DNAI3: variants seen among roughly 807,000 people sequenced by gnomAD.
The protein encoded by DNAI3 is WD repeat domain 63.
DNAI3 carries 83 observed loss-of-function variants against 115.5 expected under a neutral mutation model. The ratio of observed to expected loss-of-function variants is 0.72; its 90% confidence interval spans 0.60 to 0.86. The LOEUF (loss-of-function observed/expected upper bound fraction) is 0.86. Among genes scored for constraint, DNAI3 ranks in the 40% least tolerant of loss-of-function variants. The pLI, the probability that DNAI3 is intolerant of heterozygous loss-of-function variation, is 0.00. For synonymous variants in DNAI3, 320 were observed against 347.0 expected (o/e 0.92, Z 0.86); for missense variants, 1,004 against 1,075.8 (o/e 0.93, Z 0.93).
intron 14 of DNAI3, among the ~76,000 whole-genome samples, chr1:85,106,042 AG>A (rs1655481972): frequency 6.6e-6 from 1 of 152,176 alleles, no homozygotes; most frequent in Non-Finnish European, 1.5e-5. Flanking sequence ...CAGGAGACTG[AG>A]GCAGGAGAAT....
intron 13 of DNAI3, among the ~76,000 whole-genome samples, chr1:85,104,192 C>T (rs1484291161): frequency 1.3e-5 from 2 of 149,612 alleles, no homozygotes; most frequent in Non-Finnish European, 3.0e-5. Flanking sequence ...ACCATCTCGG[C>T]TCACTGCATG....
intron 13 of DNAI3, among the ~76,000 whole-genome samples, chr1:85,101,628 T>C (rs938013452): frequency 7.0e-4 from 99 of 140,782 alleles, no homozygotes; most frequent in African/African-American, 2.4e-3. Flanking sequence ...CTCCAGAGGC[T>C]GAGGCGGGAG....
At chr1:85,099,288 A>G (rs1038392590) in intron 13 of DNAI3, 1 of 984,482 alleles carries the variant, frequency 1.0e-6, no homozygotes. Context: ...TAACAGGTGA[A>G]ATATCAAGAA....
chr1:85,113,321 GT>G (rs981028624), intron 16 of DNAI3, among the ~76,000 whole-genome samples: 1 of 152,034 alleles, frequency 6.6e-6, no homozygotes, highest in Non-Finnish European at 1.5e-5. Context: ...AGTTGCCAAT[GT>G]TTTTTCCTAA....
At chr1:85,073,179 A>T in intron 3 of DNAI3, 87 bp downstream of exon 3, 1 of 965,562 alleles carries the variant, frequency 1.0e-6, no homozygotes, top group Non-Finnish European at 1.5e-6. Flanking sequence ...CTACAAACTG[A>T]AGTGATCAAT....
At position 85,090,120 on chromosome 1, in the gene DNAI3, T is replaced by C. The variant is rs1391601038; in HGVS notation, c.745T>C (p.Tyr249His). ...KDISTQTKWT[Y>H]PKNATTQYYP... ...AATTTTCTTTTAATATATTAGGACA[T>C]ATCCTAAAAATGCTACTACGCAATA... Residue 249 changes from tyrosine (Y) to histidine (H), a missense_variant, in exon 8 of 23, where the codon TAT becomes CAT. By Grantham distance (83) the Tyr-to-His change is moderately conservative. Around this residue, in one of 3 missense-constraint regions of DNAI3, gnomAD observed 550 missense variants for 568.1 expected, o/e 0.97. Transcript: ENST00000294664. The C allele has an allele frequency of 6.5e-7, 1 of 1,537,540 alleles. No homozygotes were observed. Among genetic ancestry groups the C allele is most frequent in the Admixed American group, 2.0e-5 (1 of 49,654 alleles).
At chr1:85,123,697 G>T (rs927820607) in intron 18 of DNAI3, among the ~76,000 whole-genome samples, 5 of 151,946 alleles carry the variant, frequency 3.3e-5, no homozygotes, top group African/African-American at 1.2e-4. Flanking sequence ...TTTTTACATT[G>T]TATACTTTGG....
intron 17 of DNAI3, 58 bp from the exon 18 acceptor site, chr1:85,121,683 ACATGAGTGTG>A (rs1262258484): frequency 5.7e-6 from 8 of 1,412,088 alleles, no homozygotes; most frequent in Non-Finnish European, 5.9e-6. Context: ...CAATCTTAGC[ACATGAGTGTG>A]AAGTCTTTTG....
At chr1:85,126,003 A>G (rs990110310) in intron 19 of DNAI3, among the ~76,000 whole-genome samples, 1 of 152,210 alleles carries the variant, frequency 6.6e-6, no homozygotes, top group Non-Finnish European at 1.5e-5. Flanking sequence ...TTCCAGCTGA[A>G]GTCACTTTAT....
intron 20 of DNAI3, among the ~76,000 whole-genome samples, chr1:85,127,600 C>T (rs1656187165): frequency 6.6e-6 from 1 of 152,134 alleles, no homozygotes; most frequent in Non-Finnish European, 1.5e-5. Flanking sequence ...AATTCTCTTT[C>T]TATCCATTTC....
chr1:85,108,250 T>C (rs1217093945), intron 15 of DNAI3, 73 bp downstream of exon 15: 1 of 1,403,406 alleles, frequency 7.1e-7, no homozygotes, highest in Non-Finnish European at 9.4e-7. Context: ...TAGACATACA[T>C]ATACACACAC....
intron 22 of DNAI3, among the ~76,000 whole-genome samples, chr1:85,131,782 C>G (rs184824504): frequency 1.6e-4 from 24 of 152,300 alleles, no homozygotes; most frequent in Admixed American, 3.3e-4. Flanking sequence ...AATACCATAG[C>G]AACAGCTCCT....
chr1:85,075,747 G>A (rs1426501144), intron 3 of DNAI3, among the ~76,000 whole-genome samples: 2 of 152,198 alleles, frequency 1.3e-5, no homozygotes, highest in African/African-American at 4.8e-5. Flanking sequence ...GCTAATATTT[G>A]TGGAGCAATG....
chr1:85,090,331 G>C (rs1434285979), intron 8 of DNAI3, 99 bp downstream of exon 8: 2 of 568,788 alleles, frequency 3.5e-6, no homozygotes, highest in African/African-American at 3.9e-5. Flanking sequence ...AGGGTATCTA[G>C]ATAAAAAGTA....
Position 85,089,042 on chromosome 1 carries a change from A to G in DNAI3, c.741-1074A>G, listed in dbSNP as rs186790831. Among the ~76,000 whole-genome samples, 8 of 152,296 alleles carry G rather than the reference A, an allele frequency of 5.3e-5. No individual in the cohort carries two copies. In the East Asian group the frequency reaches 1.5e-3, roughly 29 times the overall value. On this transcript the variant is annotated intron_variant, in intron 7 of 22. Coordinates refer to ENST00000294664, the MANE Select transcript of DNAI3 (RefSeq NM_145172.5). ...TTTGTCTGATTACTCTCCATTTAATATATTACCTCTCACAGAGACATTCTG... is the reference window on the plus strand; with the variant it reads ...TTTGTCTGATTACTCTCCATTTAATGTATTACCTCTCACAGAGACATTCTG...
chr1:85,075,232 G>A (rs1654412644), intron 3 of DNAI3, among the ~76,000 whole-genome samples: 1 of 151,946 alleles, frequency 6.6e-6, no homozygotes, highest in Admixed American at 6.6e-5. Context: ...TTTATTATCT[G>A]TCTCTCTGTC....
intron 1 of DNAI3, among the ~76,000 whole-genome samples, chr1:85,070,884 T>A (rs961525037): frequency 5.9e-5 from 9 of 152,100 alleles, no homozygotes; most frequent in African/African-American, 2.2e-4. Context: ...AAAAAATTCA[T>A]ATGAGAAAAT....
At chr1:85,097,697 G>C in intron 12 of DNAI3, 42 bp downstream of exon 12, 2 of 1,549,850 alleles carry the variant, frequency 1.3e-6, no homozygotes, top group Middle Eastern at 3.4e-4. Context: ...TTTTTCCATT[G>C]AAGAGTTTAT....
rs548417375 is a variant in DNAI3 at position 85,087,304 on chromosome 1, C to T, written c.740+1274C>T. ...TACGCAAATTAGCCAGGCGTGGTGA[C>T]GTGTGCCTGTAATCCCAGCTACTTG... is the stretch of plus-strand genomic sequence containing the variant. On this transcript the variant is annotated intron_variant, in intron 7 of 22. Transcript: ENST00000294664. Among the ~76,000 whole-genome samples the T allele has an allele frequency of 2.9e-3, 436 of 151,842 alleles. 2 individuals are homozygous for T. The highest frequency in any genetic ancestry group is 0.01 in the African/African-American group (421 of 41,414).
Sources: gnomAD v4.1 joint callset for allele counts (sites outside exome capture counted in the v4.1 genomes callset) on GRCh38, gnomAD v4.1.1 for gene constraint, gnomAD v4.1.1 regional missense constraint, MANE v1.5 for transcripts, NCBI Gene and HGNC (gene_info 2026-07-23, HGNC 2026-07-21) for gene names.